Variants in SMCHD1 observed in about 807,000 individuals in gnomAD.
The protein encoded by SMCHD1 is structural maintenance of chromosomes flexible hinge domain-containing protein 1.
Under a neutral mutation model 254.7 loss-of-function variants are expected in SMCHD1, and 78 were observed. The ratio of observed to expected loss-of-function variants is 0.31; its 90% CI spans 0.26 to 0.37. The LOEUF (loss-of-function observed/expected upper bound fraction) is 0.37, where lower values mean the gene tolerates loss of function less well. SMCHD1 is among the 10% of genes least tolerant of loss of function. The probability of loss-of-function intolerance (pLI) is 1.00; values close to 1 mark genes in which losing one functional copy is unlikely to be tolerated. For missense variants in SMCHD1, 1,840 were observed against 2,408.1 expected, an observed-to-expected ratio of 0.76 and a Z score of 4.94; for synonymous variants, 766 against 794.9, an observed-to-expected ratio of 0.96 and a Z score of 0.61.
At chr18:2,785,110 C>T in intron 45 of SMCHD1, 1 of 260,880 alleles carries the variant, frequency 3.8e-6, no homozygotes, top group Non-Finnish European at 7.6e-6. Context: ...TTCCCTTCCA[C>T]AGGCTGTGTC....
intron 19 of SMCHD1, among the ~76,000 whole-genome samples, chr18:2,720,798 A>G (rs934197933): frequency 6.6e-6 from 1 of 152,164 alleles, no homozygotes; most frequent in African/African-American, 2.4e-5. Flanking sequence ...AGATTTTAAA[A>G]TACAGACAGG....
In SMCHD1 at chr18:2,738,921, A is replaced by G. The variant is rs1050918580; in HGVS notation, c.3425+376A>G. Among the ~76,000 whole-genome samples, 4 of 145,588 alleles carry G rather than the reference A, an allele frequency of 2.7e-5. No homozygotes were observed. The East Asian group carries it at 7.8e-4, about 28-fold the overall frequency. ...AGCTGAGAGTCCAACCAGAGTTAAT[A>G]TGTAGAACTCATATTGAAGGGACAG... is the stretch of plus-strand genomic sequence containing the variant. On this transcript the variant is annotated intron_variant, in intron 26 of 47. Coordinates refer to ENST00000320876, the MANE Select transcript of SMCHD1 (RefSeq NM_015295.3).
intron 29 of SMCHD1, among the ~76,000 whole-genome samples, chr18:2,746,684 A>C (rs908605377): frequency 1.6e-4 from 24 of 152,192 alleles, no homozygotes; most frequent in African/African-American, 5.3e-4. Context: ...AGTTAAGAGT[A>C]GGGGGTAGAA....
intron 17 of SMCHD1, among the ~76,000 whole-genome samples, chr18:2,708,915 T>TATATATATATAAAC (rs1568199419): frequency 2.2e-5 from 2 of 90,454 alleles, no homozygotes; most frequent in African/African-American, 4.2e-5. Flanking sequence ...TATAACATAT[T>TATATATATATAAAC]AACATGAAAT....
intron 1 of SMCHD1, among the ~76,000 whole-genome samples, chr18:2,664,653 A>G (rs1217889720): frequency 6.6e-6 from 1 of 152,218 alleles, no homozygotes; most frequent in African/African-American, 2.4e-5. Context: ...TTCATATGGC[A>G]TTACACTGGG....
chr18:2,728,342 C>T, intron 22 of SMCHD1, 115 bp from the exon 23 acceptor site: 1 of 1,071,150 alleles, frequency 9.3e-7, no homozygotes. Context: ...ATTTTTCTTT[C>T]TTGGCAATAT....
At position 2,706,453 on chromosome 18, in the gene SMCHD1, A is replaced by G. The variant is rs1260867212; in HGVS notation, c.2046A>G (p.Val682=). ...TVAEKAVKKY[V]EDEMARLPDR... ...CTGAGAAAGCTGTTAAAAAATATGT[A>G]GAAGATGAAATGGCAAGGTAAGTCA... is the stretch of plus-strand genomic sequence containing the variant. The change falls in exon 15 of 48, where the codon GTA becomes GTG. Residue 682 remains valine (V), a synonymous_variant. Transcript: ENST00000320876. 2.5e-6 allele frequency: 4 copies of G among 1,585,062 alleles called. No individual in the cohort carries two copies. The African/African-American group carries it at 4.0e-5, about 16-fold the overall frequency.
intron 3 of SMCHD1, among the ~76,000 whole-genome samples, chr18:2,668,254 T>C (rs2073492975): frequency 6.6e-6 from 1 of 152,224 alleles, no homozygotes; most frequent in African/African-American, 2.4e-5. Context: ...TGAATGTTCT[T>C]GTGACTAAAT....
intron 44 of SMCHD1, among the ~76,000 whole-genome samples, chr18:2,780,167 AG>A (rs2076130626): frequency 7.9e-6 from 1 of 127,324 alleles, no homozygotes; most frequent in Non-Finnish European, 1.6e-5. Context: ...TGATCCTGGG[AG>A]GTGGAGGTTG....
At chr18:2,657,535 A>AGT (rs1317727418) in intron 1 of SMCHD1, among the ~76,000 whole-genome samples, 2 of 152,216 alleles carry the variant, frequency 1.3e-5, no homozygotes, top group Non-Finnish European at 2.9e-5. Flanking sequence ...TAAAGAAAAT[A>AGT]TGGAACCAGA....
chr18:2,700,714 TAACA>T lies in SMCHD1; in HGVS notation c.1464-20_1464-17del. ...TTTACAACTTAATTCTTTTACTAACTAACATTTTGTTCTGTTCAAGCTTTGACTG... is the reference window on the plus strand; with the variant it reads ...TTTACAACTTAATTCTTTTACTAACTTTTTGTTCTGTTCAAGCTTTGACTG... On this transcript the variant is annotated splice_polypyrimidine_tract_variant and intron_variant, in intron 11 of 47. Transcript: ENST00000320876. The T allele has an allele frequency of 1.9e-6, 3 of 1,606,130 alleles. No individual in the cohort carries two copies. The highest frequency in any genetic ancestry group is 1.1e-5 in the South Asian group (1 of 90,002).
At chr18:2,743,713 A>G (rs1197336042) in intron 28 of SMCHD1, 48 bp from the exon 29 acceptor site, 1 of 1,409,688 alleles carries the variant, frequency 7.1e-7, no homozygotes, top group Admixed American at 2.3e-5. Flanking sequence ...GTTTTTCTGA[A>G]CACTAAGTGA....
At chr18:2,744,346 C>T (rs373286784) in intron 29 of SMCHD1, among the ~76,000 whole-genome samples, 5 of 151,960 alleles carry the variant, frequency 3.3e-5, no homozygotes, top group African/African-American at 7.2e-5. Flanking sequence ...CAAGTCATAT[C>T]CGTAAATACT....
At chr18:2,751,820 G>A (rs948552462) in intron 33 of SMCHD1, among the ~76,000 whole-genome samples, 1 of 151,998 alleles carries the variant, frequency 6.6e-6, no homozygotes, top group African/African-American at 2.4e-5. Flanking sequence ...CTTTCTAGTA[G>A]CTACATTTAA....
chr18:2,685,320 T>C (rs983746292), intron 5 of SMCHD1, among the ~76,000 whole-genome samples: 17 of 151,998 alleles, frequency 1.1e-4, no homozygotes, highest in East Asian at 5.8e-4. Context: ...AGGATGGTCT[T>C]GATCTCCTGA....
At chr18:2,735,624 A>G (rs1300930454) in intron 25 of SMCHD1, among the ~76,000 whole-genome samples, 1 of 152,204 alleles carries the variant, frequency 6.6e-6, no homozygotes, top group Non-Finnish European at 1.5e-5. Context: ...GCATTTCTGT[A>G]CTACGTTTTA....
intron 5 of SMCHD1, among the ~76,000 whole-genome samples, chr18:2,682,321 T>C (rs1215592558): frequency 1.3e-5 from 2 of 151,882 alleles, no homozygotes; most frequent in Non-Finnish European, 2.9e-5. Flanking sequence ...CTTCTTTTTT[T>C]TTTTTTTTCC....
chr18:2,753,183 GCATA>G (rs1234337774), intron 34 of SMCHD1: 1 of 152,218 alleles, frequency 6.6e-6, no homozygotes, highest in Non-Finnish European at 1.5e-5. Context: ...GTTTATCTTA[GCATA>G]CATCTCTATA....
intron 47 of SMCHD1, chr18:2,801,308 C>A (rs1011009421): frequency 2.6e-5 from 4 of 151,912 alleles, no homozygotes; most frequent in Non-Finnish European, 5.9e-5. Flanking sequence ...ATTTTCAGTG[C>A]AGCCTTTAGT....
Sources: allele counts gnomAD v4.1 joint callset (sites outside exome capture counted in the v4.1 genomes callset), GRCh38; gene constraint gnomAD v4.1.1; transcripts MANE v1.5; gene names NCBI Gene and HGNC (gene_info 2026-07-23, HGNC 2026-07-21).